Variants in DHRS12 observed in about 807,000 individuals in gnomAD.
DHRS12 encodes the protein dehydrogenase/reductase SDR family member 12.
In DHRS12, 29 loss-of-function variants were observed where a neutral mutation model predicts 32.1. The ratio of observed to expected loss-of-function variants is 0.90; its 90% CI spans 0.67 to 1.23. The LOEUF (loss-of-function observed/expected upper bound fraction) is 1.23. DHRS12 is among the 50% of genes most tolerant of loss of function. DHRS12 has a pLI of 0.00. For synonymous variants in DHRS12, 150 were observed against 135.9 expected (o/e 1.10, Z -0.72); for missense variants, 330 against 337.2 (o/e 0.98, Z 0.17).
At chr13:51,759,603 A>T in the DHRS12 span, 2 of 640,182 alleles carry the variant, frequency 3.1e-6, no homozygotes, top group Non-Finnish European at 5.2e-6. Context: ...AAAATATTTT[A>T]CAGATTTGGA....
At chr13:51,774,270 TATTCTCCTACA>T (rs1954215920) in intron 5 of DHRS12, 1 of 475,796 alleles carries the variant, frequency 2.1e-6, no homozygotes, top group Admixed American at 3.9e-5. Flanking sequence ...TCTCCTACAG[TATTCTCCTACA>T]GTATTCTCCT....
the DHRS12 span, chr13:51,759,819 TTTAACCCAAATCA>T: frequency 0.16 from 259,205 of 1,589,388 alleles, 22,513 homozygotes; most frequent in South Asian, 0.2. Flanking sequence ...AAACGGTTGT[TTTAACCCAAATCA>T]TTACCAGAGT....
At chr13:51,757,784 T>A in the DHRS12 span, among the ~76,000 whole-genome samples, 1 of 151,768 alleles carries the variant, frequency 6.6e-6, no homozygotes, top group Admixed American at 6.6e-5. Context: ...AGTTTTCCTA[T>A]TAGAATGACA....
At position 51,781,784 on chromosome 13, in the gene DHRS12, G is replaced by A. The variant is rs534601889; in HGVS notation, c.302-4663C>T. Among the ~76,000 whole-genome samples, 7 of 152,276 alleles carry A rather than the reference G, an allele frequency of 4.6e-5. No homozygotes were observed. The East Asian group carries it at 7.7e-4, about 17-fold the overall frequency. On this transcript the variant is annotated intron_variant, in intron 4 of 8. Coordinates refer to ENST00000444610, the MANE Select transcript of DHRS12 (RefSeq NM_001377533.1). Reference sequence around the variant, plus strand: ...TGAGGCTGCAGCCTCCAAGGGCAACGCCAGAGACACGCACCTCATATGAAA... The same window carrying A: ...TGAGGCTGCAGCCTCCAAGGGCAACACCAGAGACACGCACCTCATATGAAA...
chr13:51,767,860 G>C (rs1953818945), downstream of DHRS12: 1 of 379,090 alleles, frequency 2.6e-6, no homozygotes, highest in African/African-American at 2.3e-5. Flanking sequence ...GAGTTCACAG[G>C]GGGGCATTCC....
At position 51,802,169 on chromosome 13, in the gene DHRS12, T is replaced by TCACACACA. The variant is rs56270918; in HGVS notation, c.-9+1877_-9+1884dup. Among the ~76,000 whole-genome samples the TCACACACA allele has an allele frequency of 1.2e-3, 172 of 139,864 alleles. 1 individual carries two copies. The highest frequency in any genetic ancestry group is 6.2e-3 in the Admixed American group (87 of 14,028). 91.8% of individuals were successfully genotyped at this position (139,864 alleles called of 152,430 possible). On this transcript the variant is annotated intron_variant, in intron 1 of 8. Transcript: ENST00000444610. ...GTCTCTAGATATCAGTCTCTATTTT[T>TCACACACA]CACACACACACACACACACACACAC... is the stretch of plus-strand genomic sequence containing the variant.
chr13:51,799,203 T>C (rs1955641705), intron 2 of DHRS12, among the ~76,000 whole-genome samples: 1 of 152,076 alleles, frequency 6.6e-6, no homozygotes, highest in South Asian at 2.1e-4. Flanking sequence ...GGTGTTCATG[T>C]TTTTGTTTTT....
Position 51,804,146 on chromosome 13 carries a change from CG to C in DHRS12, c.-102del, listed in dbSNP as rs200208618. The C allele has an allele frequency of 5.4e-3, 7,857 of 1,445,834 alleles. 407 individuals are homozygous for C. The African/African-American group carries it at 0.11, about 19-fold the overall frequency. The allele number at this position is 1,445,834 out of a possible 1,614,324, so 89.6% of individuals were successfully genotyped here. On this transcript the variant is annotated 5_prime_UTR_variant, in exon 1 of 9. Coordinates refer to ENST00000444610, the MANE Select transcript of DHRS12 (RefSeq NM_001377533.1). ...CCCACGCCTAGCCCCACCGCGCTCC[CG>C]GCGCGGCCTCCGCCCTGGTCCCGCC...
Position 51,774,052 on chromosome 13 carries a change from G to C in DHRS12, c.364-18C>G, listed in dbSNP as rs773489890. 1 of 1,611,398 alleles carries C rather than the reference G, an allele frequency of 6.2e-7. No homozygotes were observed. Among genetic ancestry groups the C allele is most frequent in the Non-Finnish European group, 8.5e-7 (1 of 1,177,804 alleles). Reference sequence around the variant, plus strand: ...ACGGTTATCTGCAATAAAGGTAACAGAGATTTACAAACTAAAGCCTGTGAC... The same window carrying C: ...ACGGTTATCTGCAATAAAGGTAACACAGATTTACAAACTAAAGCCTGTGAC... On this transcript the variant is annotated intron_variant, in intron 5 of 8. Coordinates refer to ENST00000444610, the MANE Select transcript of DHRS12 (RefSeq NM_001377533.1).
At chr13:51,789,651 G>A (rs1185505534) in intron 4 of DHRS12, 1 of 985,266 alleles carries the variant, frequency 1.0e-6, no homozygotes, top group East Asian at 1.1e-4. Flanking sequence ...CTTGCCCACT[G>A]GTTGCACCTT....
Position 51,769,215 on chromosome 13 carries a change from A to G in DHRS12, c.638T>C (p.Met213Thr), listed in dbSNP as rs901639965. 3 of 1,578,276 alleles carry G rather than the reference A, an allele frequency of 1.9e-6. No homozygotes were observed. The highest frequency in any genetic ancestry group is 2.3e-5 in the East Asian group (1 of 43,240). ...LRSEAQGADT[M>T]LWLALSSAAA... ...GGCAGAGGAGAGGGCCAGCCACAGC[A>G]TGGTGTCCGCGCCCTGGGCCTCGGA... The change falls in exon 8 of 9, where the codon ATG becomes ACG. Residue 213 changes from methionine to threonine, a missense_variant. Met to Thr is a moderately conservative substitution (Grantham distance 81). Transcript: ENST00000444610.
At chr13:51,776,993 A>T in intron 5 of DHRS12, 67 bp downstream of exon 5, 2 of 1,580,896 alleles carry the variant, frequency 1.3e-6, no homozygotes, top group Non-Finnish European at 1.7e-6. Context: ...CAGCAAACCT[A>T]GGCCCACTGA....
chr13:51,802,169 T>TCTCA (rs1417081430), intron 1 of DHRS12, among the ~76,000 whole-genome samples: 1 of 139,782 alleles, frequency 7.2e-6, no homozygotes, highest in South Asian at 2.5e-4. Context: ...TCTCTATTTT[T>TCTCA]CACACACACA....
chr13:51,789,841 G>A lies in DHRS12; in HGVS notation c.301+170C>T, dbSNP rs569459245. 9.1e-6 allele frequency: 9 copies of A among 985,184 alleles called. No individual in the cohort carries two copies. In the African/African-American group the frequency reaches 1.6e-4, roughly 17 times the overall value. 61.0% of individuals were successfully genotyped at this position (985,184 alleles called of 1,614,324 possible). ...ACACCTATTATAAGAAACATGAAAA[G>A]AGAAAGTGTTTTATGAAGAAAAATA... is the stretch of plus-strand genomic sequence containing the variant. On this transcript the variant is annotated intron_variant, in intron 4 of 8. Coordinates refer to ENST00000444610, the MANE Select transcript of DHRS12 (RefSeq NM_001377533.1).
chr13:51,771,977 A>T, intron 6 of DHRS12, 66 bp from the exon 7 acceptor site: 7 of 1,483,658 alleles, frequency 4.7e-6, no homozygotes, highest in Non-Finnish European at 6.6e-6. Context: ...AGGGCAGGGG[A>T]TAAGCCCTGC....
intron 7 of DHRS12, among the ~76,000 whole-genome samples, chr13:51,770,113 C>G (rs1474612199): frequency 6.6e-6 from 1 of 152,242 alleles, no homozygotes; most frequent in African/African-American, 2.4e-5. Flanking sequence ...GAAAGGATCA[C>G]CTAAGCAAAA....
At chr13:51,770,018 G>C (rs1953940267) in intron 7 of DHRS12, among the ~76,000 whole-genome samples, 1 of 152,148 alleles carries the variant, frequency 6.6e-6, no homozygotes, top group Admixed American at 6.5e-5. Context: ...AAACAAAATA[G>C]TTCTCTCTCG....
In DHRS12 at chr13:51,791,288, C is replaced by A. The variant is rs201758904; in HGVS notation, c.127-31G>T. On this transcript the variant is annotated intron_variant, in intron 2 of 8. Coordinates refer to ENST00000444610, the MANE Select transcript of DHRS12 (RefSeq NM_001377533.1). ...TTAGAAAGCAAAAAAAAAAAAAACC[C>A]TTTTTAAAAAGATATAAACTAGCAC... is the stretch of plus-strand genomic sequence containing the variant. 596 of 1,185,842 alleles carry A rather than the reference C, an allele frequency of 5.0e-4. 3 individuals carry two copies. Among genetic ancestry groups the A allele is most frequent in the Middle Eastern group, 8.0e-4 (3 of 3,764 alleles). The allele number at this position is 1,185,842 out of a possible 1,614,324, so 73.5% of individuals were successfully genotyped here. A position where few individuals can be genotyped will look rare whatever the true frequency, so the allele number is the denominator to read the frequency against.
chr13:51,796,793 A>G (rs1866640547), intron 2 of DHRS12, among the ~76,000 whole-genome samples: 1 of 152,176 alleles, frequency 6.6e-6, no homozygotes, highest in African/African-American at 2.4e-5. Flanking sequence ...TGCAGACATT[A>G]GAGGAAGATT....
Sources: allele counts gnomAD v4.1 joint callset (sites outside exome capture counted in the v4.1 genomes callset), GRCh38; gene constraint gnomAD v4.1.1; transcripts MANE v1.5; gene names NCBI Gene and HGNC (gene_info 2026-07-23, HGNC 2026-07-21).